Variants in KIAA1217 observed in about 807,000 individuals in gnomAD.
KIAA1217 encodes the protein sickle tail protein homolog.
In KIAA1217, 88 loss-of-function variants were observed where a neutral mutation model predicts 163.9. That is an observed-to-expected ratio of 0.54 (90% CI 0.45 to 0.64). KIAA1217 has a LOEUF of 0.64. KIAA1217 is among the 30% of genes least tolerant of loss of function. The pLI, the probability that KIAA1217 is intolerant of heterozygous loss-of-function variation, is 0.00. For synonymous variants in KIAA1217, 903 were observed against 923.1 expected (o/e 0.98, Z 0.39); for missense variants, 2,372 against 2,475.0 (o/e 0.96, Z 0.88).
At chr10:23,764,175 G>A (rs374721127) in intron 1 of KIAA1217, among the ~76,000 whole-genome samples, 4 of 152,012 alleles carry the variant, frequency 2.6e-5, no homozygotes, top group African/African-American at 4.8e-5. Flanking sequence ...AAAAGAAGAC[G>A]TTTCACAGCC....
intron 1 of KIAA1217, among the ~76,000 whole-genome samples, chr10:23,733,175 G>A (rs367969352): frequency 5.3e-5 from 8 of 151,988 alleles, no homozygotes; most frequent in East Asian, 3.9e-4. Context: ...CACCACACCC[G>A]GCTAATTTTG....
intron 1 of KIAA1217, among the ~76,000 whole-genome samples, chr10:23,722,165 G>A (rs1002117605): frequency 3.9e-5 from 6 of 152,162 alleles, no homozygotes; most frequent in Admixed American, 2.6e-4. Context: ...AAGTAGAATG[G>A]TGGTTCCCTG....
intron 8 of KIAA1217, among the ~76,000 whole-genome samples, chr10:24,499,603 G>A (rs2067253678): frequency 6.6e-6 from 1 of 152,114 alleles, no homozygotes. Context: ...GTTGTGGTGT[G>A]CACCTGTAGT....
intron 3 of KIAA1217, among the ~76,000 whole-genome samples, chr10:24,421,039 C>CT (rs2058693836): frequency 6.6e-6 from 1 of 152,166 alleles, no homozygotes; most frequent in African/African-American, 2.4e-5. Flanking sequence ...GAGTCTTGCT[C>CT]TGTCACCCAG....
chr10:24,004,125 A>G (rs915823039), intron 1 of KIAA1217, among the ~76,000 whole-genome samples: 1 of 151,962 alleles, frequency 6.6e-6, no homozygotes, highest in African/African-American at 2.4e-5. Flanking sequence ...GATTACAGGC[A>G]CACACCACCA....
At chr10:23,939,847 A>G (rs781467132) in intron 1 of KIAA1217, among the ~76,000 whole-genome samples, 3 of 151,178 alleles carry the variant, frequency 2.0e-5, no homozygotes, top group Non-Finnish European at 4.4e-5. Context: ...AACTTTTACT[A>G]AGAAAGGCCA....
At chr10:24,496,804 C>A (rs776191225) in intron 8 of KIAA1217, among the ~76,000 whole-genome samples, 4 of 152,294 alleles carry the variant, frequency 2.6e-5, no homozygotes, top group Non-Finnish European at 5.9e-5. Context: ...TGTTTCATTT[C>A]TTTGTTCTAA....
chr10:24,420,360 A>C (rs2058634252), intron 3 of KIAA1217, among the ~76,000 whole-genome samples: 1 of 151,864 alleles, frequency 6.6e-6, no homozygotes, highest in African/African-American at 2.4e-5. Flanking sequence ...TTGGATATCC[A>C]TTATTGTCTA....
At chr10:24,066,531 T>C (rs998027246) in intron 2 of KIAA1217, among the ~76,000 whole-genome samples, 7 of 152,228 alleles carry the variant, frequency 4.6e-5, no homozygotes, top group Admixed American at 6.5e-5. Context: ...CTGATGGGTT[T>C]CCCTTTGTGG....
intron 2 of KIAA1217, among the ~76,000 whole-genome samples, chr10:24,277,344 G>T (rs2077413403): frequency 4.6e-5 from 7 of 152,218 alleles, no homozygotes. Flanking sequence ...GCAAGCAGGT[G>T]GGTGGCAGGT....
At chr10:24,497,692 C>T (rs1349014328) in intron 8 of KIAA1217, among the ~76,000 whole-genome samples, 8 of 151,058 alleles carry the variant, frequency 5.3e-5, no homozygotes, top group Admixed American at 5.3e-4. Context: ...TGCACTTCAG[C>T]CTGAGTGACA....
chr10:24,433,632 G>C (rs2059780582), intron 4 of KIAA1217, among the ~76,000 whole-genome samples: 1 of 152,148 alleles, frequency 6.6e-6, no homozygotes, highest in Admixed American at 6.6e-5. Context: ...GTAGCGGAGA[G>C]ACCTGATCGA....
At chr10:23,904,344 G>A (rs1938044) in intron 1 of KIAA1217, among the ~76,000 whole-genome samples, 54,700 of 152,004 alleles carry the variant, frequency 0.36, 11,675 homozygotes, top group African/African-American at 0.6. Flanking sequence ...ACAGATACCC[G>A]CATAGCAATA....
chr10:23,811,736 AG>A (rs1420829743), intron 1 of KIAA1217, among the ~76,000 whole-genome samples: 1 of 151,948 alleles, frequency 6.6e-6, no homozygotes, highest in African/African-American at 2.4e-5. Context: ...GACACTCAAG[AG>A]GTGGAATTAT....
intron 1 of KIAA1217, among the ~76,000 whole-genome samples, chr10:23,799,990 A>G (rs12411773): frequency 0.04 from 6,038 of 152,266 alleles, 156 homozygotes; most frequent in South Asian, 0.08. Flanking sequence ...TCGCCTGTAT[A>G]ATATTTTTCT....
Position 24,506,159 on chromosome 10 carries a change from C to T in KIAA1217, c.2001+4614C>T, listed in dbSNP as rs2068324706. Among the ~76,000 whole-genome samples the T allele has an allele frequency of 2.0e-5, 3 of 152,194 alleles. No homozygotes were observed. The South Asian group carries it at 6.2e-4, about 32-fold the overall frequency. The stretch of plus-strand genomic sequence containing the variant: ...CATGGGTTATATAGCTGTGACCAGG[C>T]ATCCCTTGTCTTGTTCCCTGAAGCC... On this transcript the variant is annotated intron_variant, in intron 9 of 20. Transcript: ENST00000376454.
intron 2 of KIAA1217, among the ~76,000 whole-genome samples, chr10:24,348,617 T>C (rs1468807453): frequency 1.3e-5 from 2 of 152,112 alleles, no homozygotes; most frequent in Admixed American, 1.3e-4. Flanking sequence ...AATGGGAAGT[T>C]AGTAAAATCT....
intron 8 of KIAA1217, among the ~76,000 whole-genome samples, chr10:24,495,556 T>G (rs753475391): frequency 7.2e-5 from 11 of 152,206 alleles, no homozygotes; most frequent in African/African-American, 2.4e-5. Flanking sequence ...GATAAATGTT[T>G]CACCAATAGG....
rs529546258 is a variant in KIAA1217, at chr10:24,245,883, C to T, written c.354+25974C>T. On this transcript the variant is annotated intron_variant, in intron 2 of 20. Coordinates refer to ENST00000376454, the MANE Select transcript of KIAA1217 (RefSeq NM_019590.5). ...AGACTCCTGGGCTCAAACAATCCTC[C>T]CACTTTAGTCTCCCCAAAAGTTTAG... is the stretch of plus-strand genomic sequence containing the variant. Among the ~76,000 whole-genome samples the T allele has an allele frequency of 4.5e-4, 69 of 152,164 alleles. No homozygotes were observed. In the South Asian group the frequency reaches 0.014, roughly 32 times the overall value.
Sources: allele counts gnomAD v4.1 joint callset (sites outside exome capture counted in the v4.1 genomes callset), GRCh38; gene constraint gnomAD v4.1.1; transcripts MANE v1.5; gene names NCBI Gene and HGNC (gene_info 2026-07-23, HGNC 2026-07-21).